Variants in PTPRN2 observed in about 807,000 individuals in gnomAD.
PTPRN2 encodes the protein receptor-type tyrosine-protein phosphatase N2.
A neutral mutation model predicts 118.8 loss-of-function variants in PTPRN2; 74 were observed. The ratio of observed to expected loss-of-function variants is 0.62; its 90% CI spans 0.52 to 0.76. PTPRN2 has a LOEUF of 0.76. Among genes scored for constraint, PTPRN2 ranks in the 30% least tolerant of loss-of-function variants. The probability of loss-of-function intolerance (pLI) is 0.00; values close to 1 mark genes in which losing one functional copy is unlikely to be tolerated. For synonymous variants in PTPRN2, 641 were observed against 608.0 expected (o/e 1.05, Z -0.80); for missense variants, 1,481 against 1,394.4 (o/e 1.06, Z -0.99).
At chr7:157,628,613 A>G (rs1191364882) in intron 14 of PTPRN2, among the ~76,000 whole-genome samples, 1 of 152,192 alleles carries the variant, frequency 6.6e-6, no homozygotes, top group Non-Finnish European at 1.5e-5. Context: ...CCACGGGTGC[A>G]CCCCTTCGTA....
At chr7:158,121,590 G>A (rs899244080) in intron 9 of PTPRN2, among the ~76,000 whole-genome samples, 3 of 152,182 alleles carry the variant, frequency 2.0e-5, no homozygotes, top group African/African-American at 7.2e-5. Flanking sequence ...ATGGTATGAG[G>A]ACATGGGAGG....
chr7:158,369,384 A>C (rs1379691010), intron 2 of PTPRN2, among the ~76,000 whole-genome samples: 1 of 152,112 alleles, frequency 6.6e-6, no homozygotes, highest in Non-Finnish European at 1.5e-5. Flanking sequence ...ACTAATACAC[A>C]GAGTGTCCAA....
intron 3 of PTPRN2, among the ~76,000 whole-genome samples, chr7:158,240,308 T>C (rs1030916138): frequency 3.3e-5 from 5 of 152,142 alleles, no homozygotes; most frequent in African/African-American, 1.2e-4. Flanking sequence ...CATTAGTCTT[T>C]TAAATAAAAA....
At chr7:157,851,086 G>A (rs371903586) in intron 12 of PTPRN2, among the ~76,000 whole-genome samples, 7 of 152,212 alleles carry the variant, frequency 4.6e-5, no homozygotes, top group East Asian at 3.9e-4. Flanking sequence ...CCCGCACACC[G>A]GACTCACCCA....
At chr7:157,569,018 A>G in intron 20 of PTPRN2, 52 bp from the exon 21 acceptor site, 1 of 1,481,000 alleles carries the variant, frequency 6.8e-7, no homozygotes, top group Non-Finnish European at 9.4e-7. Context: ...CGGAAGCCCG[A>G]CCCACAACAA....
chr7:158,311,700 G>A (rs1050998663), intron 3 of PTPRN2, among the ~76,000 whole-genome samples: 1 of 152,242 alleles, frequency 6.6e-6, no homozygotes, highest in African/African-American at 2.4e-5. Context: ...GCAAGAAGTG[G>A]CCTGGATGAA....
chr7:158,356,076 A>G (rs994860426), intron 2 of PTPRN2, among the ~76,000 whole-genome samples: 1 of 152,338 alleles, frequency 6.6e-6, no homozygotes, highest in African/African-American at 2.4e-5. Context: ...ATATAAATCA[A>G]TGGAAAATGT....
intron 10 of PTPRN2, among the ~76,000 whole-genome samples, chr7:158,090,983 C>A (rs954254848): frequency 1.3e-5 from 2 of 152,142 alleles, no homozygotes; most frequent in Admixed American, 1.3e-4. Flanking sequence ...ACCAACCGTC[C>A]GGTTGAGAAT....
chr7:158,429,525 C>T (rs1049499111), intron 2 of PTPRN2, among the ~76,000 whole-genome samples: 5 of 152,338 alleles, frequency 3.3e-5, no homozygotes, highest in Non-Finnish European at 4.4e-5. Flanking sequence ...CCCTTAGACC[C>T]GCTGGTGATG....
intron 10 of PTPRN2, among the ~76,000 whole-genome samples, chr7:158,095,480 A>G (rs1362822377): frequency 1.3e-5 from 2 of 152,090 alleles, no homozygotes; most frequent in Non-Finnish European, 2.9e-5. Flanking sequence ...TGATGTAGAC[A>G]TTATCGTCTC....
intron 11 of PTPRN2, among the ~76,000 whole-genome samples, chr7:157,927,696 T>A (rs1442046643): frequency 1.3e-5 from 2 of 151,276 alleles, no homozygotes; most frequent in African/African-American, 4.9e-5. Flanking sequence ...CACACGGGCA[T>A]GTGTGGTGTG....
Position 158,332,028 on chromosome 7 carries a change from G to C in PTPRN2, c.164-15096C>G, listed in dbSNP as rs186986138. On this transcript the variant is annotated intron_variant, in intron 2 of 22. Coordinates refer to ENST00000389418, the MANE Select transcript of PTPRN2 (RefSeq NM_002847.5). ...AGAGCTGACAACCGCAAACGTCACT[G>C]ACACCCACACTCTAACGATAAGAGG... Among the ~76,000 whole-genome samples, 190 of 146,580 alleles carry C rather than the reference G, an allele frequency of 1.3e-3. 15 individuals carry two copies. The highest frequency in any genetic ancestry group is 4.7e-3 in the African/African-American group (181 of 38,344).
chr7:158,510,901 G>A (rs935072633), intron 1 of PTPRN2, among the ~76,000 whole-genome samples: 2 of 152,246 alleles, frequency 1.3e-5, no homozygotes, highest in African/African-American at 4.8e-5. Context: ...CCAGCAGTGG[G>A]AGGGCTGTCG....
rs1204749682 is a variant in PTPRN2 at position 158,131,133 on chromosome 7, TAC to T, written c.1556+2542_1556+2543del. On this transcript the variant is annotated intron_variant, in intron 9 of 22. Transcript: ENST00000389418. ...TACCAAACACACACTCATACGCACATACACACATACACACACAAATACCCGAA... is the reference window on the plus strand; with the variant it reads ...TACCAAACACACACTCATACGCACATACACATACACACACAAATACCCGAA... Among the ~76,000 whole-genome samples the T allele has an allele frequency of 5.0e-5, 4 of 80,656 alleles. No individual in the cohort carries two copies. The East Asian group carries it at 1.6e-3, about 32-fold the overall frequency. The allele number at this position is 80,656 out of a possible 152,430, so 52.9% of individuals were successfully genotyped here.
chr7:157,756,940 C>G (rs985678663), intron 12 of PTPRN2, among the ~76,000 whole-genome samples: 2 of 152,090 alleles, frequency 1.3e-5, no homozygotes, highest in African/African-American at 2.4e-5. Flanking sequence ...AGTCTTTCTG[C>G]GAAACATGGA....
intron 19 of PTPRN2, among the ~76,000 whole-genome samples, chr7:157,573,463 T>C (rs1379355832): frequency 1.3e-5 from 2 of 152,248 alleles, no homozygotes; most frequent in Non-Finnish European, 2.9e-5. Flanking sequence ...GCTCAGCTTC[T>C]GGGTCCACAC....
At chr7:158,430,972 G>GT (rs1816128454) in intron 2 of PTPRN2, among the ~76,000 whole-genome samples, 1 of 152,226 alleles carries the variant, frequency 6.6e-6, no homozygotes. Flanking sequence ...GAGCAGACAT[G>GT]TTTGACTCCA....
intron 5 of PTPRN2, among the ~76,000 whole-genome samples, chr7:158,174,236 G>A (rs943015018): frequency 2.6e-5 from 4 of 152,040 alleles, no homozygotes; most frequent in Non-Finnish European, 5.9e-5. Context: ...AGCTTCAGCC[G>A]GTCCCTCCAT....
intron 11 of PTPRN2, among the ~76,000 whole-genome samples, chr7:157,979,118 G>A (rs1802952277): frequency 6.6e-6 from 1 of 152,042 alleles, no homozygotes; most frequent in South Asian, 2.1e-4. Context: ...GGCCCTGGCA[G>A]GAGGGATTGT....
Sources: gnomAD v4.1 joint callset for allele counts (sites outside exome capture counted in the v4.1 genomes callset) on GRCh38, gnomAD v4.1.1 for gene constraint, MANE v1.5 for transcripts, NCBI Gene and HGNC (gene_info 2026-07-23, HGNC 2026-07-21) for gene names.